Variants in ALK observed in about 807,000 individuals in gnomAD.
ALK encodes ALK receptor tyrosine kinase.
In ALK, 74 loss-of-function variants were observed where a neutral mutation model predicts 163.1. The ratio of observed to expected loss-of-function variants is 0.45; its 90% CI spans 0.38 to 0.55. The LOEUF (loss-of-function observed/expected upper bound fraction) is 0.55, where lower values mean the gene tolerates loss of function less well. ALK is among the 20% of genes least tolerant of loss of function. The pLI is 0.00. For synonymous variants in ALK, 960 were observed against 843.2 expected (o/e 1.14, Z -2.40); for missense variants, 2,063 against 2,105.3 (o/e 0.98, Z 0.39).
chr2:29,609,144 G>A (rs1259302197), intron 3 of ALK, among the ~76,000 whole-genome samples: 2 of 152,124 alleles, frequency 1.3e-5, no homozygotes, highest in Non-Finnish European at 2.9e-5. Flanking sequence ...GCCTGGTCTT[G>A]AACTCCTGGC....
intron 1 of ALK, among the ~76,000 whole-genome samples, chr2:29,783,819 C>T (rs1202945594): frequency 5.9e-5 from 9 of 152,192 alleles, no homozygotes; most frequent in African/African-American, 1.9e-4. Context: ...CTCCCTCCCA[C>T]GGTCACCCCC....
intron 4 of ALK, among the ~76,000 whole-genome samples, chr2:29,528,990 C>A (rs1558368833): frequency 1.3e-5 from 2 of 152,192 alleles, no homozygotes; most frequent in Non-Finnish European, 2.9e-5. Context: ...GCCAACGTGG[C>A]CACTCATGCT....
At chr2:29,641,476 A>T (rs1676699792) in intron 3 of ALK, among the ~76,000 whole-genome samples, 1 of 152,176 alleles carries the variant, frequency 6.6e-6, no homozygotes, top group Non-Finnish European at 1.5e-5. Context: ...CCCCTGGGAA[A>T]AACAGGGGCC....
At chr2:29,526,102 C>T (rs1377821806) in intron 4 of ALK, among the ~76,000 whole-genome samples, 2 of 152,146 alleles carry the variant, frequency 1.3e-5, no homozygotes, top group South Asian at 2.1e-4. Flanking sequence ...TGCCCACTCT[C>T]CCATGACCCT....
chr2:29,333,108 G>A (rs1364753157), intron 5 of ALK, among the ~76,000 whole-genome samples: 1 of 143,792 alleles, frequency 7.0e-6, no homozygotes, highest in South Asian at 2.1e-4. Context: ...GTGAAGTTGG[G>A]TTTTTTTGTT....
intron 8 of ALK, among the ~76,000 whole-genome samples, chr2:29,315,858 C>T (rs549696080): frequency 2.0e-5 from 3 of 152,274 alleles, no homozygotes; most frequent in Admixed American, 1.3e-4. Flanking sequence ...GAAGAAGGTC[C>T]TTCGTGGTAG....
intron 3 of ALK, among the ~76,000 whole-genome samples, chr2:29,662,472 T>C (rs748785576): frequency 6.5e-4 from 99 of 152,318 alleles, no homozygotes; most frequent in Non-Finnish European, 1.2e-3. Flanking sequence ...TCCTTAAGTT[T>C]CATCCAAAAG....
intron 1 of ALK, among the ~76,000 whole-genome samples, chr2:29,824,561 T>C (rs954393305): frequency 1.3e-5 from 2 of 152,234 alleles, no homozygotes; most frequent in Non-Finnish European, 2.9e-5. Flanking sequence ...GACCTGGATG[T>C]GAGACACGGA....
At position 29,481,103 on chromosome 2, in the gene ALK, G is replaced by A. The variant is rs550021417; in HGVS notation, c.1154+50812C>T. On this transcript the variant is annotated intron_variant, in intron 4 of 28. Coordinates refer to ENST00000389048, the MANE Select transcript of ALK (RefSeq NM_004304.5). Reference sequence around the variant, plus strand: ...AGGACCAGCTTCAGATTTAGTGAACGCGAGACCTGAGCGATTATTCTCGAA... The same window carrying A: ...AGGACCAGCTTCAGATTTAGTGAACACGAGACCTGAGCGATTATTCTCGAA... Among the ~76,000 whole-genome samples, 6 of 152,316 alleles carry A rather than the reference G, an allele frequency of 3.9e-5. No homozygotes were observed. The East Asian group carries it at 7.7e-4, about 20-fold the overall frequency.
intron 3 of ALK, among the ~76,000 whole-genome samples, chr2:29,693,846 T>A (rs1013183798): frequency 4.6e-5 from 7 of 152,200 alleles, no homozygotes; most frequent in African/African-American, 1.7e-4. Flanking sequence ...CAGACCCACA[T>A]GTACATTCTG....
intron 5 of ALK, among the ~76,000 whole-genome samples, chr2:29,354,845 C>G (rs927622196): frequency 6.6e-6 from 1 of 150,986 alleles, no homozygotes; most frequent in African/African-American, 2.4e-5. Flanking sequence ...TGGCTCACTG[C>G]AAGCTCCACC....
chr2:29,328,787 CCCATGACTTTAGTGTG>C (rs1310855014), intron 5 of ALK, among the ~76,000 whole-genome samples: 1 of 152,146 alleles, frequency 6.6e-6, no homozygotes, highest in East Asian at 1.9e-4. Context: ...GGTCCTCAAA[CCCATGACTTTAGTGTG>C]CCAAGTGGAT....
intron 1 of ALK, among the ~76,000 whole-genome samples, chr2:29,784,099 G>A (rs368432496): frequency 4.6e-5 from 7 of 151,722 alleles, no homozygotes; most frequent in East Asian, 1.9e-4. Context: ...GAGAGAGAGA[G>A]AAAAGAGAGG....
At chr2:29,214,166 A>G (rs956123359) in intron 23 of ALK, 85 bp from the exon 24 acceptor site, 1 of 1,158,564 alleles carries the variant, frequency 8.6e-7, no homozygotes, top group African/African-American at 1.5e-5. Context: ...CAGTGCTCAC[A>G]AGGAGGCAGA....
intron 1 of ALK, among the ~76,000 whole-genome samples, chr2:29,874,904 T>C (rs544062790): frequency 3.0e-4 from 46 of 152,324 alleles, no homozygotes; most frequent in Non-Finnish European, 6.3e-4. Context: ...TCAGCTCTTC[T>C]GGCCTGACTG....
At position 29,239,825 on chromosome 2, in the gene ALK, G is replaced by A. The variant is rs368581969; in HGVS notation, c.2210C>T (p.Ser737Leu). Residue 737 changes from serine (S) to leucine (L), a missense_variant, in exon 13 of 29, where the codon TCG (serine) becomes TTG (leucine). By Grantham distance (145) the Ser-to-Leu change is moderately radical (BLOSUM62 -2). Coordinates refer to ENST00000389048, the MANE Select transcript of ALK (RefSeq NM_004304.5). The part of the protein sequence containing the change: ...KVPATDTYSI[S>L]GYGAAGGKGG... ...TTTCCCGCCAGCAGCTCCGTAGCCC[G>A]AGATGCTGCAATGGGACAAAGAACG... 64 of 1,613,304 alleles carry A rather than the reference G, an allele frequency of 4.0e-5. No individual in the cohort carries two copies. In the East Asian group the frequency reaches 8.5e-4, roughly 21 times the overall value.
chr2:29,379,321 G>C (rs80001357), intron 5 of ALK, among the ~76,000 whole-genome samples: 11,684 of 152,246 alleles, frequency 0.077, 534 homozygotes, highest in Non-Finnish European at 0.11. Flanking sequence ...TTTGGAAGTA[G>C]TAGGGTAATA....
At chr2:29,855,119 T>C (rs1419108873) in intron 1 of ALK, among the ~76,000 whole-genome samples, 1 of 152,206 alleles carries the variant, frequency 6.6e-6, no homozygotes, top group African/African-American at 2.4e-5. Flanking sequence ...GTGCATGGCA[T>C]GGACCTGGCA....
Position 29,635,837 on chromosome 2 carries a change from G to A in ALK, c.952+59013C>T, listed in dbSNP as rs1573516493. Among the ~76,000 whole-genome samples, 6 of 151,322 alleles carry A rather than the reference G, an allele frequency of 4.0e-5. 1 individual carries two copies. The highest frequency in any genetic ancestry group is 4.0e-4 in the Admixed American group (6 of 15,162). On this transcript the variant is annotated intron_variant, in intron 3 of 28. Transcript: ENST00000389048. ...TACATGTGAGGGTTCTATCATGTTG[G>A]CCAGACTGGTCACGAACTCCTGACC...
Sources: gnomAD v4.1 joint callset for allele counts (sites outside exome capture counted in the v4.1 genomes callset) on GRCh38, gnomAD v4.1.1 for gene constraint, MANE v1.5 for transcripts, NCBI Gene and HGNC (gene_info 2026-07-23, HGNC 2026-07-21) for gene names.